Variants in NSD1 observed in about 807,000 individuals in gnomAD.
The protein encoded by NSD1 is nuclear receptor binding SET domain protein 1.
NSD1 carries 26 observed loss-of-function variants against 242.7 expected under a neutral mutation model. The observed-to-expected ratio is 0.11, with a 90% CI of 0.08 to 0.15. The LOEUF is 0.15. Among genes scored for constraint, NSD1 ranks in the 10% least tolerant of loss-of-function variants. The pLI is 1.00. For synonymous variants in NSD1, 1,106 were observed against 1,178.1 expected (o/e 0.94, Z 1.25); for missense variants, 2,495 against 3,272.8 (o/e 0.76, Z 5.80).
chr5:177,204,309 G>A lies in NSD1; in HGVS notation c.1236+17G>A, dbSNP rs886038671. On this transcript the variant is annotated intron_variant, in intron 4 of 22. Transcript: ENST00000439151. ...AGGCATAAGGTAGGAAACGAAAAAG[G>A]CTTTTTATTGAGTGACAGAAGCAAG... The A allele has an allele frequency of 1.1e-5, 17 of 1,609,444 alleles. No individual in the cohort carries two copies. The Admixed American group carries it at 2.5e-4, about 24-fold the overall frequency.
In NSD1 at chr5:177,300,007, A is replaced by T; in HGVS notation, c.*4548A>T. The T allele has an allele frequency of 4.3e-6, 1 of 230,408 alleles. No individual in the cohort carries two copies. Among genetic ancestry groups the T allele is most frequent in the Non-Finnish European group, 8.6e-6 (1 of 116,874 alleles). The allele number at this position is 230,408 out of a possible 1,614,324, so 14.3% of individuals were successfully genotyped here. On this transcript the variant is annotated 3_prime_UTR_variant, in exon 23 of 23. Transcript: ENST00000439151. Reference sequence around the variant, plus strand: ...CGATAGACATCTACCTATATTGTTAAGAAAGGGGTCGGGGGGATCAGCCAA... The same window carrying T: ...CGATAGACATCTACCTATATTGTTATGAAAGGGGTCGGGGGGATCAGCCAA...
chr5:177,216,004 G>T (rs1004894191), intron 5 of NSD1, among the ~76,000 whole-genome samples: 4 of 152,038 alleles, frequency 2.6e-5, no homozygotes, highest in African/African-American at 9.7e-5. Flanking sequence ...GGGAGTACAG[G>T]TGCATGCCAC....
chr5:177,284,545 C>G (rs1370669286), intron 20 of NSD1, among the ~76,000 whole-genome samples: 1 of 152,184 alleles, frequency 6.6e-6, no homozygotes, highest in Non-Finnish European at 1.5e-5. Flanking sequence ...GCCTCAGCCT[C>G]CCAAGTGCTG....
chr5:177,184,113 A>G (rs528199141), intron 2 of NSD1, among the ~76,000 whole-genome samples: 2 of 152,312 alleles, frequency 1.3e-5, no homozygotes, highest in South Asian at 4.1e-4. Context: ...GCAAATGTCT[A>G]TTTGAAATAC....
intron 3 of NSD1, among the ~76,000 whole-genome samples, chr5:177,197,005 C>T (rs111889099): frequency 2.5e-4 from 38 of 152,260 alleles, no homozygotes; most frequent in Non-Finnish European, 4.1e-4. Context: ...TGGTGGCTCA[C>T]GCCTGCAATC....
At position 177,292,083 on chromosome 5, in the gene NSD1, C is replaced by G. The variant is rs2127276391; in HGVS notation, c.6388C>G (p.Leu2130Val). ...ECFSCGDAGQLVSCKKPGCPK... is the reference protein window; with the variant it reads ...ECFSCGDAGQVVSCKKPGCPK... The stretch of plus-strand genomic sequence containing the variant: ...TTTTAGTTGTGGGGATGCTGGCCAG[C>G]TCGTCTCCTGCAAGAAACCAGGCTG... The change falls in exon 22 of 23, where the codon CTC (leucine) becomes GTC (valine). Residue 2130 changes from leucine to valine, a missense_variant. Transcript: ENST00000439151. 6.2e-7 allele frequency: 1 copy of G among 1,614,182 alleles called. No individual in the cohort carries two copies. The highest frequency in any genetic ancestry group is 1.3e-5 in the African/African-American group (1 of 75,048).
intron 20 of NSD1, among the ~76,000 whole-genome samples, chr5:177,287,249 C>T (rs868330680): frequency 6.6e-6 from 1 of 152,254 alleles, no homozygotes; most frequent in East Asian, 1.9e-4. Flanking sequence ...TGACAAGTAT[C>T]CTGCTTTCTT....
intron 3 of NSD1, among the ~76,000 whole-genome samples, chr5:177,200,283 A>G (rs2149832010): frequency 6.6e-6 from 1 of 151,680 alleles, no homozygotes; most frequent in Non-Finnish European, 1.5e-5. Flanking sequence ...TCATTTTTGT[A>G]TTTTTAGTAG....
chr5:177,219,533 A>G (rs1344738352), intron 5 of NSD1, among the ~76,000 whole-genome samples: 1 of 152,040 alleles, frequency 6.6e-6, no homozygotes, highest in African/African-American at 2.4e-5. Context: ...TCTTTCTTCC[A>G]TTGATTGTTC....
rs577262396 is a variant in NSD1, at chr5:177,293,824, G to T, written c.6464-8G>T. 50 of 1,613,988 alleles carry T rather than the reference G, an allele frequency of 3.1e-5. No individual in the cohort carries two copies. In the African/African-American group the frequency reaches 5.6e-4, roughly 18 times the overall value. On this transcript the variant is annotated splice_polypyrimidine_tract_variant and splice_region_variant and intron_variant, in intron 22 of 22. Coordinates refer to ENST00000439151, the MANE Select transcript of NSD1 (RefSeq NM_022455.5). ...TCCTAAACTTTTGATTTACTTCTGTGTTTTCAGGGAAATGGGAATGTCCGT... is the reference window on the plus strand; with the variant it reads ...TCCTAAACTTTTGATTTACTTCTGTTTTTTCAGGGAAATGGGAATGTCCGT...
At position 177,294,560 on chromosome 5, in the gene NSD1, C is replaced by G. The variant is rs1226363003; in HGVS notation, c.7192C>G (p.Pro2398Ala). 2 of 1,614,224 alleles carry G rather than the reference C, an allele frequency of 1.2e-6. No individual in the cohort carries two copies. The highest frequency in any genetic ancestry group is 2.2e-5 in the South Asian group (2 of 91,082). ...PPDRLLITSS[P>A]KPQTSDRPTD... ...AGACAGACTGCTCATTACTAGCAGT[C>G]CCAAACCCCAGACTTCAGACAGGCC... is the stretch of plus-strand genomic sequence containing the variant. Residue 2398 changes from proline to alanine, a missense_variant, in exon 23 of 23, where the codon CCC (proline) becomes GCC (alanine). Pro to Ala is a conservative substitution (Grantham distance 27). Coordinates refer to ENST00000439151, the MANE Select transcript of NSD1 (RefSeq NM_022455.5).
At chr5:177,162,584 A>C (rs244708) in intron 2 of NSD1, among the ~76,000 whole-genome samples, 1 of 151,858 alleles carries the variant, frequency 6.6e-6, no homozygotes, top group Non-Finnish European at 1.5e-5. Context: ...CTTTCGCCCT[A>C]TTGGCTAGGC....
At chr5:177,161,553 G>C (rs1337518525) in intron 2 of NSD1, among the ~76,000 whole-genome samples, 4 of 151,860 alleles carry the variant, frequency 2.6e-5, no homozygotes, top group Non-Finnish European at 5.9e-5. Context: ...TCAAACTCCT[G>C]GGCTCAAGTA....
At chr5:177,279,589 C>G (rs1758678203) in intron 17 of NSD1, among the ~76,000 whole-genome samples, 2 of 150,268 alleles carry the variant, frequency 1.3e-5, no homozygotes, top group African/African-American at 4.9e-5. Flanking sequence ...TTATAGTTCA[C>G]CTGGCTTATC....
At chr5:177,136,826 A>C (rs2149758174) in intron 2 of NSD1, 1 of 606,468 alleles carries the variant, frequency 1.6e-6, no homozygotes, top group East Asian at 2.8e-5. Context: ...ATTTTATTTT[A>C]ACAGAACCCT....
chr5:177,286,027 C>G (rs1030643081), intron 20 of NSD1, among the ~76,000 whole-genome samples: 4 of 152,152 alleles, frequency 2.6e-5, no homozygotes, highest in Admixed American at 6.5e-5. Context: ...TCCTAAGCAG[C>G]TGGGATTACA....
At chr5:177,161,336 A>G (rs1758728613) in intron 2 of NSD1, among the ~76,000 whole-genome samples, 1 of 151,684 alleles carries the variant, frequency 6.6e-6, no homozygotes, top group Non-Finnish European at 1.5e-5. Context: ...AGCTCTGATT[A>G]TGCACTCCAG....
chr5:177,168,580 C>A (rs1581188753), intron 2 of NSD1, among the ~76,000 whole-genome samples: 1 of 151,984 alleles, frequency 6.6e-6, no homozygotes, highest in African/African-American at 2.4e-5. Flanking sequence ...CCTGCCCCAC[C>A]CTCCCAAGTA....
chr5:177,173,027 G>A (rs1352455614), intron 2 of NSD1, among the ~76,000 whole-genome samples: 1 of 150,658 alleles, frequency 6.6e-6, no homozygotes, highest in Non-Finnish European at 1.5e-5. Flanking sequence ...CGGGCGCGGT[G>A]GCTCACGTGT....
Sources: gnomAD v4.1 joint callset for allele counts (sites outside exome capture counted in the v4.1 genomes callset) on GRCh38, gnomAD v4.1.1 for gene constraint, MANE v1.5 for transcripts, NCBI Gene and HGNC (gene_info 2026-07-23, HGNC 2026-07-21) for gene names.